The following FAM174B variants were observed in gnomAD, a reference collection of about 807,000 sequenced individuals.
FAM174B encodes the protein family with sequence similarity 174 member B.
In FAM174B, 12 loss-of-function variants were observed where a neutral mutation model predicts 10.9. The observed-to-expected ratio is 1.10, with a 90% CI of 0.71 to 1.79. The LOEUF (loss-of-function observed/expected upper bound fraction) is 1.79, where lower values mean the gene tolerates loss of function less well. Ranked by LOEUF, FAM174B falls within the 40% of genes most tolerant of loss-of-function variation. The pLI, the probability that FAM174B is intolerant of heterozygous loss-of-function variation, is 0.00. For missense variants in FAM174B, 266 were observed against 233.3 expected (o/e 1.14, Z -0.91); for synonymous variants, 132 against 115.8 (o/e 1.14, Z -0.90).
In FAM174B at chr15:92,640,551, CAAAAAAAAAAAAAAAAAAA is replaced by C. The variant is rs60865026; in HGVS notation, c.345-10225_345-10207del. Among the ~76,000 whole-genome samples the C allele has an allele frequency of 2.5e-4, 17 of 67,722 alleles. No individual in the cohort carries two copies. In the East Asian group the frequency reaches 3.6e-3, roughly 14 times the overall value. The allele number at this position is 67,722 out of a possible 152,430, so 44.4% of individuals were successfully genotyped here. Reference sequence around the variant, plus strand: ...TGGATGACAAAGTGAGACTCCATCTCAAAAAAAAAAAAAAAAAAAAAAAAAAAAAAAAGTCAAAGGAAAT... The same window carrying C: ...TGGATGACAAAGTGAGACTCCATCTCAAAAAAAAAAAAAGTCAAAGGAAAT... On this transcript the variant is annotated intron_variant, in intron 1 of 2. Coordinates refer to ENST00000327355, the MANE Select transcript of FAM174B (RefSeq NM_207446.3).
Position 92,655,384 on chromosome 15 carries a change from C to G in FAM174B, c.276G>C (p.Lys92Asn), listed in dbSNP as rs761558378. 2 of 1,593,140 alleles carry G rather than the reference C, an allele frequency of 1.3e-6. No homozygotes were observed. The highest frequency in any genetic ancestry group is 3.4e-5 in the Admixed American group (2 of 58,324). The change falls in exon 1 of 3, where the codon AAG becomes AAC. Residue 92 changes from lysine to asparagine, a missense_variant. Transcript: ENST00000327355. ...SILLRDLPTL[K>N]AAVIVAFAFT... ...AGGCGAACGCCACGATCACGGCTGC[C>G]TTGAGGGTGGGTAGGTCGCGGAGGA...
intron 1 of FAM174B, among the ~76,000 whole-genome samples, chr15:92,635,506 G>A (rs2050849761): frequency 6.6e-6 from 1 of 151,998 alleles, no homozygotes; most frequent in Non-Finnish European, 1.5e-5. Flanking sequence ...ACCTCATAGC[G>A]TATAAATGGA....
intron 2 of FAM174B, among the ~76,000 whole-genome samples, chr15:92,624,339 C>T (rs749964946): frequency 1.3e-5 from 2 of 152,204 alleles, no homozygotes; most frequent in African/African-American, 2.4e-5. Flanking sequence ...AGGCAGCTGT[C>T]CATCTGCCGA....
intron 2 of FAM174B, among the ~76,000 whole-genome samples, chr15:92,627,779 G>A (rs775249026): frequency 2.6e-5 from 4 of 152,322 alleles, no homozygotes; most frequent in South Asian, 2.1e-4. Flanking sequence ...ATTCCCAGCC[G>A]TGCAGGAGGA....
rs1205524496 is a variant in FAM174B at position 92,618,478 on chromosome 15, T to A, written c.*978A>T. 1 of 152,398 alleles carries A rather than the reference T, an allele frequency of 6.6e-6. No homozygotes were observed. Among genetic ancestry groups the A allele is most frequent in the Non-Finnish European group, 1.5e-5 (1 of 68,122 alleles). 9.4% of individuals were successfully genotyped at this position (152,398 alleles called of 1,614,324 possible). ...TGGGGTCTCCTGGGTCCAGGTGGGT[T>A]CCTAGTCCAGCCCCGTCTAGACTGA... On this transcript the variant is annotated 3_prime_UTR_variant, in exon 3 of 3. Transcript: ENST00000327355.
At chr15:92,634,664 AAGGTGTGATGGC>A (rs2050841606) in intron 1 of FAM174B, 2 of 152,198 alleles carry the variant, frequency 1.3e-5, no homozygotes, top group Admixed American at 1.3e-4. Context: ...TTATATACCA[AAGGTGTGATGGC>A]TAATGCTCTG....
intron 2 of FAM174B, among the ~76,000 whole-genome samples, chr15:92,626,041 G>C (rs1468143239): frequency 2.0e-5 from 3 of 151,564 alleles, no homozygotes; most frequent in Non-Finnish European, 4.4e-5. Flanking sequence ...CCCAGATGAC[G>C]TATCTACACA....
At chr15:92,645,363 G>C (rs2050919565) in intron 1 of FAM174B, among the ~76,000 whole-genome samples, 1 of 152,204 alleles carries the variant, frequency 6.6e-6, no homozygotes, top group Non-Finnish European at 1.5e-5. Context: ...CTTCATAGAG[G>C]ATCATCCAGC....
In FAM174B at chr15:92,619,507, G is replaced by A. The variant is rs781039305; in HGVS notation, c.477-48C>T. On this transcript the variant is annotated intron_variant, in intron 2 of 2. Coordinates refer to ENST00000327355, the MANE Select transcript of FAM174B (RefSeq NM_207446.3). Reference sequence around the variant, plus strand: ...AGTAAGCCCCTTCTGGCAGAGCCTCGCACCCATTCTGACCCCTCCTGAACA... The same window carrying A: ...AGTAAGCCCCTTCTGGCAGAGCCTCACACCCATTCTGACCCCTCCTGAACA... 2.3e-5 allele frequency: 37 copies of A among 1,600,990 alleles called. No individual in the cohort carries two copies. The South Asian group carries it at 2.8e-4, about 12-fold the overall frequency.
At chr15:92,633,350 T>C (rs796095751) in intron 1 of FAM174B, among the ~76,000 whole-genome samples, 2 of 152,302 alleles carry the variant, frequency 1.3e-5, no homozygotes, top group African/African-American at 4.8e-5. Flanking sequence ...ACTGATATGA[T>C]TTACCAAAAA....
At chr15:92,630,721 T>TATATATATATTATATAATTATA (rs2050787832) in intron 1 of FAM174B, among the ~76,000 whole-genome samples, 1 of 138,852 alleles carries the variant, frequency 7.2e-6, no homozygotes, top group South Asian at 2.1e-4. Context: ...TATATATTTT[T>TATATATATATTATATAATTATA]TATATTATAT....
chr15:92,631,203 CATATATTATATATTATATTATATATA>C lies in FAM174B; in HGVS notation c.345-884_345-859del. On this transcript the variant is annotated intron_variant, in intron 1 of 2. Coordinates refer to ENST00000327355, the MANE Select transcript of FAM174B (RefSeq NM_207446.3). ...ATTATATTATATATTATATATATTA[CATATATTATATATTATATTATATATA>C]ATATATTATATATTATATTATATAT... Among the ~76,000 whole-genome samples, 50 of 8,200 alleles carry C rather than the reference CATATATTATATATTATATTATATATA, an allele frequency of 6.1e-3. 2 individuals are homozygous for C. Among genetic ancestry groups the C allele is most frequent in the African/African-American group, 0.019 (49 of 2,578 alleles). 5.4% of individuals were successfully genotyped at this position (8,200 alleles called of 152,430 possible). A position where few individuals can be genotyped will look rare whatever the true frequency, so the allele number is the denominator to read the frequency against.
At chr15:92,650,872 T>C (rs1445514920) in intron 1 of FAM174B, among the ~76,000 whole-genome samples, 2 of 152,158 alleles carry the variant, frequency 1.3e-5, no homozygotes, top group African/African-American at 4.8e-5. Flanking sequence ...CAGGTACCTG[T>C]AGGACCACTC....
chr15:92,631,461 TTATATATAATTTATAATATATTATA>T (rs2050817017), intron 1 of FAM174B, among the ~76,000 whole-genome samples: 1 of 62,200 alleles, frequency 1.6e-5, no homozygotes, highest in African/African-American at 7.4e-5. Context: ...ATAATATATA[TTATATATAATTTATAATATATTATA>T]TATATATATA....
Position 92,631,131 on chromosome 15 carries a change from G to A in FAM174B, c.345-786C>T, listed in dbSNP as rs537436449. ...TATTACATATTATATTATATATTAC[G>A]TATTACATATTACATATTATATTAT... On this transcript the variant is annotated intron_variant, in intron 1 of 2. Coordinates refer to ENST00000327355, the MANE Select transcript of FAM174B (RefSeq NM_207446.3). Among the ~76,000 whole-genome samples, 4 of 30,732 alleles carry A rather than the reference G, an allele frequency of 1.3e-4. 1 individual carries two copies. Among genetic ancestry groups the A allele is most frequent in the South Asian group, 2.5e-3 (2 of 794 alleles). 20.2% of individuals were successfully genotyped at this position (30,732 alleles called of 152,430 possible). A position where few individuals can be genotyped will look rare whatever the true frequency, so the allele number is the denominator to read the frequency against.
chr15:92,627,731 G>T (rs540676235), intron 2 of FAM174B, among the ~76,000 whole-genome samples: 222 of 152,292 alleles, frequency 1.5e-3, no homozygotes, highest in African/African-American at 5.1e-3. Flanking sequence ...ACAGTACATT[G>T]ATCCACTCGA....
intron 1 of FAM174B, among the ~76,000 whole-genome samples, chr15:92,638,231 T>C (rs2050868315): frequency 6.6e-6 from 1 of 152,204 alleles, no homozygotes; most frequent in Non-Finnish European, 1.5e-5. Flanking sequence ...CAAGGCCAGA[T>C]AATTTCTAGA....
chr15:92,622,416 C>T (rs1348623654), intron 2 of FAM174B, among the ~76,000 whole-genome samples: 8 of 152,194 alleles, frequency 5.3e-5, no homozygotes, highest in Non-Finnish European at 1.2e-4. Flanking sequence ...CAAGTTTCAG[C>T]CATGTAGTTG....
chr15:92,645,499 A>AAAT (rs745404643), intron 1 of FAM174B: 1 of 152,324 alleles, frequency 6.6e-6, no homozygotes, highest in Non-Finnish European at 1.5e-5. Context: ...CCTGAGGGAT[A>AAAT]AATCCAATGC....
Sources: allele counts gnomAD v4.1 joint callset (sites outside exome capture counted in the v4.1 genomes callset), GRCh38; gene constraint gnomAD v4.1.1; transcripts MANE v1.5; gene names NCBI Gene and HGNC (gene_info 2026-07-23, HGNC 2026-07-21).